LRBA: variants seen among roughly 807,000 people sequenced by gnomAD.
LRBA encodes the protein LPS responsive beige-like anchor protein.
LRBA carries 176 observed loss-of-function variants against 330.0 expected under a neutral mutation model. That is an observed-to-expected ratio of 0.53 (90% confidence interval 0.47 to 0.60). The LOEUF (loss-of-function observed/expected upper bound fraction) is 0.60. Among genes scored for constraint, LRBA ranks in the 20% least tolerant of loss-of-function variants. The pLI, the probability that LRBA is intolerant of heterozygous loss-of-function variation, is 0.00. For synonymous variants in LRBA, 1,230 were observed against 1,193.0 expected (o/e 1.03, Z -0.64); for missense variants, 3,259 against 3,444.8 (o/e 0.95, Z 1.35).
intron 28 of LRBA, among the ~76,000 whole-genome samples, chr4:150,843,660 A>T (rs1749426414): frequency 6.6e-6 from 1 of 152,214 alleles, no homozygotes; most frequent in African/African-American, 2.4e-5. Context: ...TGAACATTTT[A>T]TTACATTCAG....
chr4:150,756,626 G>T (rs1426895087), intron 35 of LRBA, among the ~76,000 whole-genome samples: 3 of 151,988 alleles, frequency 2.0e-5, no homozygotes, highest in Non-Finnish European at 4.4e-5. Flanking sequence ...AAATAACTAA[G>T]ATAAAGACAA....
chr4:150,438,163 C>T lies in LRBA; in HGVS notation c.6781-1299G>A, dbSNP rs1022002788. Among the ~76,000 whole-genome samples, 9 of 152,278 alleles carry T rather than the reference C, an allele frequency of 5.9e-5. No homozygotes were observed. The East Asian group carries it at 1.2e-3, about 20-fold the overall frequency. The stretch of plus-strand genomic sequence containing the variant: ...TTAAGTACCCACTCACTGAAAAAGA[C>T]ATGATATATAAGATTACTTCTTTTC... On this transcript the variant is annotated intron_variant, in intron 44 of 56. Coordinates refer to ENST00000651943, the MANE Select transcript of LRBA (RefSeq NM_001364905.1).
intron 17 of LRBA, among the ~76,000 whole-genome samples, chr4:150,884,323 A>AAAAG (rs57096682): frequency 0.99 from 151,439 of 152,244 alleles, 75,326 homozygotes; most frequent in Middle Eastern, 1. Context: ...GAGATATTAA[A>AAAAG]AGAGAACCAT....
intron 5 of LRBA, among the ~76,000 whole-genome samples, chr4:150,919,346 G>C (rs1732993079): frequency 1.3e-5 from 2 of 152,222 alleles, no homozygotes; most frequent in South Asian, 2.1e-4. Flanking sequence ...TGAGTTAATT[G>C]TGTGGTATGT....
intron 36 of LRBA, among the ~76,000 whole-genome samples, chr4:150,724,386 C>CA (rs1194705979): frequency 1.3e-5 from 2 of 152,118 alleles, no homozygotes; most frequent in African/African-American, 4.8e-5. Flanking sequence ...TACGAGTCAG[C>CA]AAAAAACACA....
chr4:150,538,639 G>A (rs190239471), intron 40 of LRBA, among the ~76,000 whole-genome samples: 1 of 151,936 alleles, frequency 6.6e-6, no homozygotes, highest in Non-Finnish European at 1.5e-5. Context: ...ACTACTAAAG[G>A]GGGGAGATGG....
intron 38 of LRBA, 38 bp from the exon 39 acceptor site, chr4:150,590,897 G>C: frequency 6.2e-7 from 1 of 1,605,080 alleles, no homozygotes; most frequent in Non-Finnish European, 8.5e-7. Flanking sequence ...CATCAGTTCT[G>C]GGAAGAGCAC....
At chr4:150,410,118 G>A (rs1033759826) in intron 47 of LRBA, among the ~76,000 whole-genome samples, 1 of 151,928 alleles carries the variant, frequency 6.6e-6, no homozygotes, top group African/African-American at 2.4e-5. Flanking sequence ...ATGTTGTCTG[G>A]TCAGTGGTCT....
chr4:150,431,530 T>A (rs1018616577), intron 46 of LRBA, among the ~76,000 whole-genome samples: 3 of 152,168 alleles, frequency 2.0e-5, no homozygotes, highest in Admixed American at 1.3e-4. Context: ...AGAGACATGT[T>A]GAGTATAAAA....
At chr4:150,328,934 T>A (rs1581027237) in intron 48 of LRBA, among the ~76,000 whole-genome samples, 1 of 152,342 alleles carries the variant, frequency 6.6e-6, no homozygotes, top group East Asian at 1.9e-4. Context: ...TGTTTTGCAC[T>A]TAACAATGTT....
At chr4:150,900,238 A>C in intron 13 of LRBA, 21 bp from the exon 14 acceptor site, 1 of 1,576,952 alleles carries the variant, frequency 6.3e-7, no homozygotes, top group South Asian at 1.2e-5. Flanking sequence ...AAAATGAAGA[A>C]CTTAGAGAAC....
intron 2 of LRBA, among the ~76,000 whole-genome samples, chr4:150,987,609 G>C (rs1403942716): frequency 6.6e-6 from 1 of 152,100 alleles, no homozygotes; most frequent in African/African-American, 2.4e-5. Context: ...TGCAGGCTGA[G>C]ACAGGAGAAT....
At chr4:150,953,354 T>TCCCTCTCTCCCTCC in intron 2 of LRBA, among the ~76,000 whole-genome samples, 1 of 150,228 alleles carries the variant, frequency 6.7e-6, no homozygotes, top group East Asian at 2.0e-4. Flanking sequence ...TAGCTCCCTC[T>TCCCTCTCTCCCTCC]CCCTCTCTCC....
intron 2 of LRBA, among the ~76,000 whole-genome samples, chr4:150,985,629 G>A (rs1741372422): frequency 6.6e-6 from 1 of 151,716 alleles, no homozygotes; most frequent in South Asian, 2.1e-4. Context: ...CTCCCGAGTA[G>A]CCAGGACTAC....
At chr4:150,312,871 C>T (rs76850118) in intron 51 of LRBA, among the ~76,000 whole-genome samples, 4,265 of 152,096 alleles carry the variant, frequency 0.028, 212 homozygotes, top group African/African-American at 0.095. Flanking sequence ...GTGAGTAACA[C>T]TGCTCAGAGG....
At chr4:150,328,089 G>A (rs938108522) in intron 48 of LRBA, among the ~76,000 whole-genome samples, 2 of 152,142 alleles carry the variant, frequency 1.3e-5, no homozygotes, top group Non-Finnish European at 2.9e-5. Context: ...AGGTCTTAGG[G>A]ACTGATGACT....
chr4:150,949,036 T>TA (rs1248812494), intron 2 of LRBA, among the ~76,000 whole-genome samples: 4,982 of 144,642 alleles, frequency 0.034, 186 homozygotes, highest in African/African-American at 0.1. Flanking sequence ...AATTTCTATT[T>TA]AAAAAAAAAA....
At chr4:150,981,308 G>A (rs1166664059) in intron 2 of LRBA, among the ~76,000 whole-genome samples, 1 of 151,656 alleles carries the variant, frequency 6.6e-6, no homozygotes, top group Admixed American at 6.6e-5. Context: ...AGCTACTCTG[G>A]AGGCTGAGGT....
intron 17 of LRBA, among the ~76,000 whole-genome samples, chr4:150,891,547 C>T (rs1379733998): frequency 6.6e-6 from 1 of 152,112 alleles, no homozygotes; most frequent in Non-Finnish European, 1.5e-5. Context: ...AGCCTAACTG[C>T]CTTGGAGAAA....
Sources: allele counts gnomAD v4.1 joint callset (sites outside exome capture counted in the v4.1 genomes callset), GRCh38; gene constraint gnomAD v4.1.1; transcripts MANE v1.5; gene names NCBI Gene and HGNC (gene_info 2026-07-23, HGNC 2026-07-21).